MAGT1: variants seen among roughly 807,000 people sequenced by gnomAD.
The protein encoded by MAGT1 is magnesium transporter 1, also known as dolichyl-diphosphooligosaccharide--protein glycosyltransferase subunit MAGT1.
In MAGT1, 4 loss-of-function variants were observed where a neutral mutation model predicts 28.4. That is an observed-to-expected ratio of 0.14 (90% CI 0.07 to 0.32). The LOEUF is 0.32. Ranked by LOEUF, MAGT1 falls within the 10% of genes least tolerant of loss-of-function variation. The probability of loss-of-function intolerance (pLI) is 1.00; values close to 1 mark genes in which losing one functional copy is unlikely to be tolerated. For synonymous variants in MAGT1, 89 were observed against 89.7 expected, an observed-to-expected ratio of 0.99 and a Z score of 0.04; for missense variants, 193 against 264.5, an observed-to-expected ratio of 0.73 and a Z score of 1.88.
intron 4 of MAGT1, 64 bp downstream of exon 4, chrX:77,857,293 G>C: frequency 8.5e-7 from 1 of 1,181,738 alleles, no homozygotes; most frequent in Non-Finnish European, 1.2e-6. Context: ...ACTAATTAGG[G>C]CCTCCCAGTA....
intron 3 of MAGT1, among the ~76,000 whole-genome samples, chrX:77,861,691 T>C (rs2076995155): frequency 8.9e-6 from 1 of 112,356 alleles, no homozygotes; most frequent in South Asian, 3.6e-4. Context: ...AAATAAGGTG[T>C]ATACATACAA....
At chrX:77,875,027 G>GTATT (rs2077029708) in intron 2 of MAGT1, among the ~76,000 whole-genome samples, 1 of 107,845 alleles carries the variant, frequency 9.3e-6, no homozygotes, top group African/African-American at 3.4e-5. Context: ...GCTAATTTTT[G>GTATT]TATTTTTTTT....
intron 2 of MAGT1, among the ~76,000 whole-genome samples, chrX:77,871,223 T>C (rs1557217309): frequency 1.8e-5 from 2 of 112,521 alleles, no homozygotes; most frequent in Non-Finnish European, 3.7e-5. Flanking sequence ...ATTGGAAATA[T>C]ATAGCTAATC....
chrX:77,860,653 A>G (rs1480117132), intron 3 of MAGT1, among the ~76,000 whole-genome samples: 1 of 110,426 alleles, frequency 9.1e-6, no homozygotes, highest in African/African-American at 3.3e-5. Flanking sequence ...GTGGTGGCGC[A>G]TGCCTATAAT....
chrX:77,870,308 G>A (rs1208984087), intron 3 of MAGT1, among the ~76,000 whole-genome samples: 2 of 110,631 alleles, frequency 1.8e-5, no homozygotes, highest in African/African-American at 3.3e-5. Flanking sequence ...TACAGTGTAC[G>A]CTGCTCAGGG....
intron 7 of MAGT1, among the ~76,000 whole-genome samples, chrX:77,849,881 A>G (rs1445322696): frequency 1.9e-5 from 2 of 106,207 alleles, no homozygotes; most frequent in East Asian, 5.8e-4. Context: ...TCTCAAAAAC[A>G]AAAAACAAAA....
At chrX:77,883,804 A>G (rs998891458) in intron 1 of MAGT1, among the ~76,000 whole-genome samples, 20 of 108,997 alleles carry the variant, frequency 1.8e-4, no homozygotes, top group Non-Finnish European at 3.4e-4. Flanking sequence ...TGCCCTCCCA[A>G]AGTGCTGGGA....
At chrX:77,881,044 G>C (rs1315936094) in intron 1 of MAGT1, among the ~76,000 whole-genome samples, 1 of 109,121 alleles carries the variant, frequency 9.2e-6, no homozygotes, top group African/African-American at 3.3e-5. Flanking sequence ...CAAGTAGTTG[G>C]TAAAGGCTGT....
At chrX:77,879,941 T>C (rs1276487936) in intron 1 of MAGT1, among the ~76,000 whole-genome samples, 1 of 102,429 alleles carries the variant, frequency 9.8e-6, no homozygotes, top group African/African-American at 3.6e-5. Context: ...CAGGTTCAAG[T>C]GATTCTCGTG....
intron 3 of MAGT1, among the ~76,000 whole-genome samples, chrX:77,858,550 CT>C (rs1314128590): frequency 8.9e-6 from 1 of 111,936 alleles, no homozygotes; most frequent in African/African-American, 3.2e-5. Flanking sequence ...TGCTTTGATT[CT>C]TTAGTTAAAA....
Position 77,859,665 on chromosome X carries a change from G to A in MAGT1, c.391-2168C>T, listed in dbSNP as rs191142649. Among the ~76,000 whole-genome samples, 4 of 111,710 alleles carry A rather than the reference G, an allele frequency of 3.6e-5. No individual in the cohort carries two copies. The East Asian group carries it at 8.4e-4, about 24-fold the overall frequency. ...GTGGATCACTTGAGGTCAGGAGCTC[G>A]AGACCAGCTTGGCCAACATGGTAAA... On this transcript the variant is annotated intron_variant, in intron 3 of 9. Transcript: ENST00000618282.
At chrX:77,847,419 C>G (rs2149015039) in intron 7 of MAGT1, among the ~76,000 whole-genome samples, 1 of 111,852 alleles carries the variant, frequency 8.9e-6, no homozygotes, top group Non-Finnish European at 1.9e-5. Flanking sequence ...GGTTCACGCT[C>G]AGTGCGCTGC....
intron 1 of MAGT1, among the ~76,000 whole-genome samples, chrX:77,891,019 T>C (rs782100912): frequency 8.1e-5 from 9 of 111,152 alleles, no homozygotes; most frequent in Non-Finnish European, 1.7e-4. Context: ...TTATTATAGA[T>C]TCCCAGAAGT....
intron 3 of MAGT1, among the ~76,000 whole-genome samples, chrX:77,865,220 T>C (rs1382127983): frequency 7.1e-5 from 8 of 112,233 alleles, no homozygotes; most frequent in African/African-American, 2.3e-4. Flanking sequence ...ATACCCGTTA[T>C]GTGCTTAGCA....
chrX:77,831,828 A>G (rs1557213449), intron 8 of MAGT1, among the ~76,000 whole-genome samples: 3 of 107,278 alleles, frequency 2.8e-5, no homozygotes, highest in African/African-American at 6.8e-5. Flanking sequence ...TCCTGGGCTC[A>G]AGTGATCTTC....
intron 7 of MAGT1, among the ~76,000 whole-genome samples, chrX:77,848,834 G>A (rs1557215245): frequency 1.8e-5 from 2 of 110,143 alleles, no homozygotes; most frequent in African/African-American, 6.6e-5. Context: ...ACGACAGGGC[G>A]AGACTCCATC....
chrX:77,855,776 A>AT (rs375126195), intron 5 of MAGT1, among the ~76,000 whole-genome samples, 186 bp from the exon 6 acceptor site: 32 of 104,371 alleles, frequency 3.1e-4, no homozygotes, highest in East Asian at 1.2e-3. Context: ...GGAAAACACT[A>AT]TTTTTTTTTT....
chrX:77,889,408 C>G (rs1202595736), intron 1 of MAGT1, among the ~76,000 whole-genome samples: 3 of 103,934 alleles, frequency 2.9e-5, no homozygotes, highest in Non-Finnish European at 5.9e-5. Context: ...GACTCTGTCG[C>G]CCAGGCTGGC....
intron 7 of MAGT1, among the ~76,000 whole-genome samples, chrX:77,851,499 C>T (rs910270159): frequency 9.0e-5 from 10 of 110,971 alleles, no homozygotes; most frequent in Non-Finnish European, 3.8e-5. Context: ...TCAGCCTCCC[C>T]AGTAGCTGGG....
Sources: allele counts gnomAD v4.1 joint callset (sites outside exome capture counted in the v4.1 genomes callset), GRCh38; gene constraint gnomAD v4.1.1; transcripts MANE v1.5; gene names NCBI Gene and HGNC (gene_info 2026-07-23, HGNC 2026-07-21).